Variants in NRG1 observed in about 807,000 individuals in gnomAD.
The protein encoded by NRG1 is pro-neuregulin-1, membrane-bound isoform.
NRG1 carries 18 observed loss-of-function variants against 63.8 expected under a neutral mutation model. The observed-to-expected ratio is 0.28, with a 90% CI of 0.19 to 0.42. The LOEUF is 0.42. Among genes scored for constraint, NRG1 ranks in the 10% least tolerant of loss-of-function variants. NRG1 has a pLI of 1.00. For synonymous variants in NRG1, 302 were observed against 301.3 expected (o/e 1.00, Z -0.02); for missense variants, 762 against 814.7 (o/e 0.94, Z 0.79).
At chr8:31,811,213 G>C (rs1822851453) in intron 1 of NRG1, among the ~76,000 whole-genome samples, 1 of 152,184 alleles carries the variant, frequency 6.6e-6, no homozygotes, top group South Asian at 2.1e-4. Context: ...CCTCTTGGCT[G>C]TGTGTATTGC....
At chr8:32,006,228 G>A (rs1813743973) in intron 1 of NRG1, among the ~76,000 whole-genome samples, 1 of 151,998 alleles carries the variant, frequency 6.6e-6, no homozygotes, top group South Asian at 2.1e-4. Flanking sequence ...ATTTGTAGAT[G>A]TAAACACTAT....
intron 1 of NRG1, among the ~76,000 whole-genome samples, chr8:31,920,939 C>T (rs1049860821): frequency 4.0e-5 from 6 of 150,742 alleles, no homozygotes; most frequent in African/African-American, 1.5e-4. Flanking sequence ...AAAACCTATA[C>T]CTGAAAACAT....
At chr8:32,230,842 A>G (rs1846853597) in intron 1 of NRG1, among the ~76,000 whole-genome samples, 2 of 152,030 alleles carry the variant, frequency 1.3e-5, no homozygotes. Context: ...GGTGTCCATC[A>G]CCTCAGGCAT....
chr8:32,423,316 C>G (rs1816929913), intron 1 of NRG1, among the ~76,000 whole-genome samples: 1 of 152,188 alleles, frequency 6.6e-6, no homozygotes, highest in Admixed American at 6.5e-5. Flanking sequence ...AGCATTTTCT[C>G]CTTTCACTGA....
intron 6 of NRG1, among the ~76,000 whole-genome samples, chr8:32,738,085 G>A (rs1189580014): frequency 6.6e-6 from 1 of 152,100 alleles, no homozygotes; most frequent in Non-Finnish European, 1.5e-5. Context: ...CATTGTGCTA[G>A]GCATTAGAGA....
rs571375979 is a variant in NRG1 at position 31,969,413 on chromosome 8, C to G, written c.37+329982C>G. Among the ~76,000 whole-genome samples the G allele has an allele frequency of 7.6e-4, 115 of 152,196 alleles. 1 individual carries two copies. The highest frequency in any genetic ancestry group is 2.5e-3 in the African/African-American group (105 of 41,532). On this transcript the variant is annotated intron_variant, in intron 1 of 10. Coordinates refer to the NRG1 transcript ENST00000519301. ...TTTATTGATGTAAGCCATTTCATAACCCTGTCAAGGTGCTTTGAGGAAGAA... is the reference window on the plus strand; with the variant it reads ...TTTATTGATGTAAGCCATTTCATAAGCCTGTCAAGGTGCTTTGAGGAAGAA...
chr8:32,320,964 T>C (rs1478505362), intron 1 of NRG1, among the ~76,000 whole-genome samples: 1 of 152,188 alleles, frequency 6.6e-6, no homozygotes. Flanking sequence ...CTAAAAGTTT[T>C]GACAATCTTG....
intron 1 of NRG1, among the ~76,000 whole-genome samples, chr8:32,394,788 A>T (rs1032364457): frequency 6.6e-6 from 1 of 152,084 alleles, no homozygotes; most frequent in African/African-American, 2.4e-5. Context: ...AGCCCCTTCC[A>T]TTTGGCAAAT....
chr8:32,137,816 C>T lies in NRG1; in HGVS notation c.38-458012C>T, dbSNP rs184770958. Among the ~76,000 whole-genome samples, 38 of 152,310 alleles carry T rather than the reference C, an allele frequency of 2.5e-4. No individual in the cohort carries two copies. The East Asian group carries it at 6.8e-3, about 27-fold the overall frequency. ...CCTTCTGAGAGTCTATGCGCTGCTGCAGGCCAGTCAGTATTGATTCAATTC... is the reference window on the plus strand; with the variant it reads ...CCTTCTGAGAGTCTATGCGCTGCTGTAGGCCAGTCAGTATTGATTCAATTC... On this transcript the variant is annotated intron_variant, in intron 1 of 10. Coordinates refer to the NRG1 transcript ENST00000519301.
At chr8:32,692,985 A>G (rs1812214450) in intron 5 of NRG1, among the ~76,000 whole-genome samples, 1 of 152,188 alleles carries the variant, frequency 6.6e-6, no homozygotes, top group African/African-American at 2.4e-5. Context: ...AAATTTTCAT[A>G]GTCCTTCTGG....
chr8:32,222,365 G>T (rs965397801), intron 1 of NRG1, among the ~76,000 whole-genome samples: 1 of 151,992 alleles, frequency 6.6e-6, no homozygotes, highest in African/African-American at 2.4e-5. Context: ...ACACCAGGAA[G>T]AGTTATTGTA....
chr8:32,720,517 A>C (rs1416366969), intron 5 of NRG1, among the ~76,000 whole-genome samples: 1 of 152,144 alleles, frequency 6.6e-6, no homozygotes, highest in Non-Finnish European at 1.5e-5. Flanking sequence ...GGCTATGGAA[A>C]TTTTATACTC....
At chr8:32,204,129 A>G (rs1022331887) in intron 1 of NRG1, among the ~76,000 whole-genome samples, 1 of 152,218 alleles carries the variant, frequency 6.6e-6, no homozygotes, top group Non-Finnish European at 1.5e-5. Context: ...TGTTTGAAGA[A>G]TAGTCAGTAG....
intron 5 of NRG1, among the ~76,000 whole-genome samples, chr8:32,661,509 C>G (rs1319339643): frequency 6.6e-6 from 1 of 152,054 alleles, no homozygotes; most frequent in Non-Finnish European, 1.5e-5. Flanking sequence ...AAATATTTTA[C>G]TTTACTCATG....
intron 1 of NRG1, among the ~76,000 whole-genome samples, chr8:32,449,398 G>A (rs1820687167): frequency 6.6e-6 from 1 of 151,098 alleles, no homozygotes; most frequent in African/African-American, 2.4e-5. Flanking sequence ...TGGGACTGTG[G>A]TTGTCTCTCC....
At chr8:32,572,465 A>G (rs945620104) in intron 1 of NRG1, among the ~76,000 whole-genome samples, 7 of 152,192 alleles carry the variant, frequency 4.6e-5, no homozygotes, top group African/African-American at 1.2e-4. Context: ...TTCCTCTAAG[A>G]ATAATAATCC....
intron 1 of NRG1, among the ~76,000 whole-genome samples, chr8:32,306,943 T>TAGCA (rs1166652176): frequency 6.6e-6 from 1 of 152,204 alleles, no homozygotes; most frequent in Non-Finnish European, 1.5e-5. Flanking sequence ...TTTTAATCCC[T>TAGCA]AGCAGGTTTT....
At chr8:32,282,585 G>A (rs568722786) in intron 1 of NRG1, among the ~76,000 whole-genome samples, 3 of 152,268 alleles carry the variant, frequency 2.0e-5, no homozygotes, top group East Asian at 3.9e-4. Context: ...CAGAGCCGCT[G>A]TTCTCATCAG....
chr8:31,739,105 GTCTTCCCAAATTTACT>G (rs1814998495), intron 1 of NRG1, among the ~76,000 whole-genome samples: 1 of 152,062 alleles, frequency 6.6e-6, no homozygotes, highest in Admixed American at 6.6e-5. Flanking sequence ...AAAGACGTTT[GTCTTCCCAAATTTACT>G]AGTAGTATTT....
Sources: gnomAD v4.1 joint callset for allele counts (sites outside exome capture counted in the v4.1 genomes callset) on GRCh38, gnomAD v4.1.1 for gene constraint, MANE v1.5 for transcripts, NCBI Gene and HGNC (gene_info 2026-07-23, HGNC 2026-07-21) for gene names.